Variants in VPS4B observed in about 807,000 individuals in gnomAD.
VPS4B encodes vacuolar protein sorting 4 homolog B, also known as vacuolar protein sorting-associated protein 4B.
In VPS4B, 23 loss-of-function variants were observed where a neutral mutation model predicts 56.1. That is an observed-to-expected ratio of 0.41 (90% CI 0.30 to 0.58). The LOEUF (loss-of-function observed/expected upper bound fraction) is 0.58, where lower values mean the gene tolerates loss of function less well. Ranked by LOEUF, VPS4B falls within the 20% of genes least tolerant of loss-of-function variation. VPS4B has a pLI of 0.29. For missense variants in VPS4B, 372 were observed against 531.9 expected, an observed-to-expected ratio of 0.70 and a Z score of 2.96; for synonymous variants, 177 against 186.0, an observed-to-expected ratio of 0.95 and a Z score of 0.39.
intron 8 of VPS4B, among the ~76,000 whole-genome samples, chr18:63,398,463 G>A (rs1671529875): frequency 6.6e-6 from 1 of 151,582 alleles, no homozygotes; most frequent in African/African-American, 2.4e-5. Context: ...CAGGCAATCT[G>A]CCTACCTTGG....
At chr18:63,419,743 T>C (rs1916252362) in intron 1 of VPS4B, among the ~76,000 whole-genome samples, 1 of 152,246 alleles carries the variant, frequency 6.6e-6, no homozygotes, top group South Asian at 2.1e-4. Context: ...GTTTCAAAAT[T>C]ATGAACTATT....
intron 7 of VPS4B, 63 bp from the exon 8 acceptor site, chr18:63,399,386 A>T: frequency 7.0e-7 from 1 of 1,425,564 alleles, no homozygotes; most frequent in South Asian, 1.2e-5. Flanking sequence ...AACTTCTTCC[A>T]TATATTCTGT....
In VPS4B at chr18:63,397,018, G is replaced by C; in HGVS notation, c.1092+16C>G. The C allele has an allele frequency of 6.4e-7, 1 of 1,566,790 alleles. No individual in the cohort carries two copies. Among genetic ancestry groups the C allele is most frequent in the African/African-American group, 1.4e-5 (1 of 73,772 alleles). ...AAAAAAAAAAAGATAGGAAAGGATA[G>C]ATAAAAATGACTTACCTTTTTAAAA... On this transcript the variant is annotated intron_variant, in intron 9 of 10. Coordinates refer to ENST00000238497, the MANE Select transcript of VPS4B (RefSeq NM_004869.4).
rs79050704 is a variant in VPS4B, at chr18:63,419,746, G to T, written c.27+2487C>A. On this transcript the variant is annotated intron_variant, in intron 1 of 10. Transcript: ENST00000238497. ...TTGTGACATAGTGTTTCAAAATTAT[G>T]AACTATTTATTCTAGAATATTTCAT... Among the ~76,000 whole-genome samples the T allele has an allele frequency of 9.6e-3, 1,467 of 152,252 alleles. 30 individuals carry two copies. Among genetic ancestry groups the T allele is most frequent in the African/African-American group, 0.034 (1,398 of 41,544 alleles).
At chr18:63,394,623 C>T (rs897419576) in intron 9 of VPS4B, among the ~76,000 whole-genome samples, 15 of 152,108 alleles carry the variant, frequency 9.9e-5, no homozygotes, top group Non-Finnish European at 5.9e-5. Flanking sequence ...CCCGCCCTGA[C>T]GCCGAGCTAA....
chr18:63,400,420 CAG>C lies in VPS4B; in HGVS notation c.641+125_641+126del, dbSNP rs1915784202. ...AATTCTAGATTAGAGACTGATTTGA[CAG>C]AGAAGTGAGTACCTGTATTACATGA... is the stretch of plus-strand genomic sequence containing the variant. On this transcript the variant is annotated intron_variant, in intron 6 of 10. Transcript: ENST00000238497. 3 of 1,168,652 alleles carry C rather than the reference CAG, an allele frequency of 2.6e-6. No homozygotes were observed. In the East Asian group the frequency reaches 7.9e-5, roughly 31 times the overall value. The allele number at this position is 1,168,652 out of a possible 1,614,324, so 72.4% of individuals were successfully genotyped here. A position where few individuals can be genotyped will look rare whatever the true frequency, so the allele number is the denominator to read the frequency against.
At chr18:63,410,091 A>T (rs1916001069) in intron 3 of VPS4B, among the ~76,000 whole-genome samples, 199 bp downstream of exon 3, 1 of 152,180 alleles carries the variant, frequency 6.6e-6, no homozygotes, top group Non-Finnish European at 1.5e-5. Context: ...CTTTGTTGTT[A>T]CGGCACGAAA....
chr18:63,408,370 G>A (rs903616499), intron 3 of VPS4B, among the ~76,000 whole-genome samples: 1 of 152,126 alleles, frequency 6.6e-6, no homozygotes, highest in African/African-American at 2.4e-5. Flanking sequence ...GGGGCTGTGG[G>A]TGAGGTAGAC....
At chr18:63,391,320 C>T (rs1418596849) in intron 10 of VPS4B, among the ~76,000 whole-genome samples, 1 of 151,606 alleles carries the variant, frequency 6.6e-6, no homozygotes, top group Non-Finnish European at 1.5e-5. Context: ...CCTCTGCCTC[C>T]CAGGTTCAAG....
Position 63,409,822 on chromosome 18 carries a change from T to C in VPS4B, c.296+468A>G, listed in dbSNP as rs369405039. ...ATTGTTGGAGTTACTTTTCATTTTT[T>C]CCATGTGGTCAAAGGTTTAACTCTC... On this transcript the variant is annotated intron_variant, in intron 3 of 10. Transcript: ENST00000238497. 1.1e-4 allele frequency among the ~76,000 whole-genome samples: 16 copies of C among 152,328 alleles called. No homozygotes were observed. The South Asian group carries it at 2.7e-3, about 26-fold the overall frequency.
intron 4 of VPS4B, among the ~76,000 whole-genome samples, chr18:63,406,051 A>G (rs561410412): frequency 5.1e-4 from 78 of 152,326 alleles, no homozygotes; most frequent in African/African-American, 1.8e-3. Context: ...ACTGATTTTT[A>G]CCTGGGGCAG....
At chr18:63,391,645 T>G (rs1462626843) in intron 10 of VPS4B, among the ~76,000 whole-genome samples, 1 of 152,196 alleles carries the variant, frequency 6.6e-6, no homozygotes, top group Non-Finnish European at 1.5e-5. Context: ...AGAAGGACAA[T>G]CCCCTTAGTC....
intron 9 of VPS4B, among the ~76,000 whole-genome samples, chr18:63,394,767 C>G (rs371982673): frequency 1.3e-5 from 2 of 152,150 alleles, no homozygotes; most frequent in Non-Finnish European, 2.9e-5. Context: ...GCCCAGCCAA[C>G]TTGGGGGCAC....
At chr18:63,421,080 C>T (rs983307132) in intron 1 of VPS4B, among the ~76,000 whole-genome samples, 3 of 149,972 alleles carry the variant, frequency 2.0e-5, no homozygotes, top group Non-Finnish European at 3.0e-5. Flanking sequence ...GAAAAAAACA[C>T]AGACAAATCA....
At chr18:63,405,645 A>G (rs959730158) in intron 4 of VPS4B, among the ~76,000 whole-genome samples, 1 of 151,952 alleles carries the variant, frequency 6.6e-6, no homozygotes, top group Non-Finnish European at 1.5e-5. Context: ...TAGGGAATTT[A>G]GAGAAATCCC....
intron 3 of VPS4B, 40 bp from the exon 4 acceptor site, chr18:63,407,539 T>C: frequency 6.7e-7 from 1 of 1,496,068 alleles, no homozygotes; most frequent in Non-Finnish European, 9.0e-7. Context: ...GATCACTCAT[T>C]GCTATCAAAT....
At chr18:63,391,471 C>T (rs988817721) in intron 10 of VPS4B, among the ~76,000 whole-genome samples, 4 of 152,184 alleles carry the variant, frequency 2.6e-5, no homozygotes, top group South Asian at 2.1e-4. Context: ...TCAGGTGATC[C>T]GCCTGCCTCT....
chr18:63,411,097 C>A (rs906967089), intron 2 of VPS4B, among the ~76,000 whole-genome samples: 2 of 152,208 alleles, frequency 1.3e-5, no homozygotes, highest in African/African-American at 4.8e-5. Flanking sequence ...CATCTAACTG[C>A]ATTCCATTTA....
At chr18:63,419,049 C>G in intron 1 of VPS4B, among the ~76,000 whole-genome samples, 1 of 152,294 alleles carries the variant, frequency 6.6e-6, no homozygotes, top group Non-Finnish European at 1.5e-5. Context: ...CAGAACCAAT[C>G]CCTACCTGAG....
Sources: gnomAD v4.1 joint callset for allele counts (sites outside exome capture counted in the v4.1 genomes callset) on GRCh38, gnomAD v4.1.1 for gene constraint, MANE v1.5 for transcripts, NCBI Gene and HGNC (gene_info 2026-07-23, HGNC 2026-07-21) for gene names.